The following NLGN1 variants were observed in gnomAD, a reference collection of about 807,000 sequenced individuals.
NLGN1 encodes the protein neuroligin-1.
NLGN1 carries 12 observed loss-of-function variants against 65.5 expected under a neutral mutation model. The observed-to-expected ratio is 0.18, with a 90% CI of 0.12 to 0.30. NLGN1 has a LOEUF of 0.30. NLGN1 is among the 10% of genes least tolerant of loss of function. NLGN1 has a pLI of 1.00. For missense variants in NLGN1, 750 were observed against 1,007.1 expected, an observed-to-expected ratio of 0.74 and a Z score of 3.46; for synonymous variants, 350 against 359.5, an observed-to-expected ratio of 0.97 and a Z score of 0.30.
At chr3:173,455,875 G>T (rs558236491) in intron 2 of NLGN1, among the ~76,000 whole-genome samples, 5 of 152,064 alleles carry the variant, frequency 3.3e-5, no homozygotes, top group Non-Finnish European at 7.4e-5. Flanking sequence ...AGCCAGTGTA[G>T]TTCGAAGGCC....
chr3:174,027,082 A>G (rs1728997882), intron 4 of NLGN1, among the ~76,000 whole-genome samples: 1 of 151,950 alleles, frequency 6.6e-6, no homozygotes. Context: ...AAAAAAAAGA[A>G]AAAGAAATAT....
At chr3:174,073,870 A>C (rs1037467802) in intron 4 of NLGN1, among the ~76,000 whole-genome samples, 2 of 152,200 alleles carry the variant, frequency 1.3e-5, no homozygotes, top group African/African-American at 4.8e-5. Flanking sequence ...GGAATAATAG[A>C]GTGGTCCTTT....
At chr3:173,952,136 C>G (rs1211943364) in intron 4 of NLGN1, among the ~76,000 whole-genome samples, 2 of 152,148 alleles carry the variant, frequency 1.3e-5, no homozygotes, top group Non-Finnish European at 2.9e-5. Context: ...CTATATACTT[C>G]CGACATAGCA....
chr3:174,107,264 G>A lies in NLGN1; in HGVS notation c.647-168051G>A, dbSNP rs115983040. On this transcript the variant is annotated intron_variant, in intron 4 of 6. Transcript: ENST00000457714. ...GGATCTCTCATGTTGCCCTTTTGTA[G>A]CCACTTTCCTCCAGCTCCACCCTCT... is the stretch of plus-strand genomic sequence containing the variant. Among the ~76,000 whole-genome samples the A allele has an allele frequency of 6.2e-3, 944 of 152,078 alleles. 25 individuals carry two copies. Among genetic ancestry groups the A allele is most frequent in the East Asian group, 0.039 (202 of 5,158 alleles).
At chr3:174,058,378 A>T (rs892696544) in intron 4 of NLGN1, among the ~76,000 whole-genome samples, 1 of 152,140 alleles carries the variant, frequency 6.6e-6, no homozygotes, top group Non-Finnish European at 1.5e-5. Context: ...AGATAAAAGC[A>T]TCTGAATTGG....
chr3:173,569,926 C>T (rs1175725135), intron 2 of NLGN1, among the ~76,000 whole-genome samples: 1 of 152,220 alleles, frequency 6.6e-6, no homozygotes, highest in East Asian at 1.9e-4. Context: ...TGCATTTCTT[C>T]TTCTACAAAT....
intron 4 of NLGN1, among the ~76,000 whole-genome samples, chr3:174,073,790 A>G: frequency 6.6e-6 from 1 of 152,220 alleles, no homozygotes; most frequent in South Asian, 2.1e-4. Flanking sequence ...CACAATACCC[A>G]TATCCATCAC....
chr3:173,584,259 A>C (rs1018861466), intron 2 of NLGN1, among the ~76,000 whole-genome samples: 2 of 150,846 alleles, frequency 1.3e-5, no homozygotes, highest in East Asian at 1.9e-4. Context: ...AAAAAAAAAA[A>C]GGTGAGGAGA....
At chr3:174,111,947 G>A (rs1715320975) in intron 4 of NLGN1, among the ~76,000 whole-genome samples, 1 of 151,888 alleles carries the variant, frequency 6.6e-6, no homozygotes, top group African/African-American at 2.4e-5. Flanking sequence ...GGATGTACCA[G>A]TGGAAGTAGT....
chr3:174,161,158 G>A (rs745688866), intron 4 of NLGN1, among the ~76,000 whole-genome samples: 2 of 151,440 alleles, frequency 1.3e-5, no homozygotes, highest in Non-Finnish European at 2.9e-5. Flanking sequence ...GTTGCATAAA[G>A]TACTGTGAAA....
intron 4 of NLGN1, among the ~76,000 whole-genome samples, chr3:174,182,025 C>G (rs1481348677): frequency 6.8e-6 from 1 of 146,056 alleles, no homozygotes; most frequent in Admixed American, 6.8e-5. Flanking sequence ...TAAACTTGGA[C>G]TATCATTTTC....
chr3:173,817,207 G>C (rs780254171), intron 4 of NLGN1, among the ~76,000 whole-genome samples: 3 of 152,222 alleles, frequency 2.0e-5, no homozygotes, highest in Non-Finnish European at 2.9e-5. Flanking sequence ...AGCAAACTCA[G>C]CTGGAATGCT....
chr3:174,158,277 G>C (rs555921084), intron 4 of NLGN1, among the ~76,000 whole-genome samples: 2 of 151,702 alleles, frequency 1.3e-5, no homozygotes, highest in African/African-American at 2.4e-5. Flanking sequence ...ACTTTGTAAA[G>C]TAATACATTT....
intron 2 of NLGN1, among the ~76,000 whole-genome samples, chr3:173,509,694 A>C (rs533542911): frequency 1.6e-4 from 25 of 152,340 alleles, no homozygotes; most frequent in Non-Finnish European, 2.9e-4. Context: ...ACTAGCAAAC[A>C]ATAAGTCAGG....
intron 4 of NLGN1, among the ~76,000 whole-genome samples, chr3:173,945,745 T>C (rs1008705817): frequency 6.6e-6 from 1 of 152,216 alleles, no homozygotes; most frequent in South Asian, 2.1e-4. Flanking sequence ...TTCAGTATAA[T>C]TGAAGGAAGA....
At chr3:173,958,965 G>A (rs549016360) in intron 4 of NLGN1, among the ~76,000 whole-genome samples, 27 of 152,330 alleles carry the variant, frequency 1.8e-4, no homozygotes, top group Non-Finnish European at 3.2e-4. Context: ...GCTCAGCCTC[G>A]ACTTTGCTCT....
rs1363708038 is a variant in NLGN1 at position 173,862,484 on chromosome 3, C to T, written c.646+54652C>T. Among the ~76,000 whole-genome samples, 7 of 111,172 alleles carry T rather than the reference C, an allele frequency of 6.3e-5. No homozygotes were observed. The Admixed American group carries it at 8.3e-4, about 13-fold the overall frequency. The allele number at this position is 111,172 out of a possible 152,430, so 72.9% of individuals were successfully genotyped here. On this transcript the variant is annotated intron_variant, in intron 4 of 6. Coordinates refer to ENST00000457714, the Ensembl canonical transcript of NLGN1. ...TCCCGCCACTGCACTCCAGCCTGGG[C>T]GACAGAGCGAGACTCCGTCTCAAAA...
chr3:173,415,760 G>A (rs1291454543), intron 1 of NLGN1, among the ~76,000 whole-genome samples: 3 of 152,018 alleles, frequency 2.0e-5, no homozygotes, highest in Non-Finnish European at 4.4e-5. Context: ...GAAATTGGAT[G>A]GATTCAGGGT....
intron 2 of NLGN1, among the ~76,000 whole-genome samples, chr3:173,565,879 T>C (rs1743573997): frequency 6.6e-6 from 1 of 152,226 alleles, no homozygotes; most frequent in East Asian, 1.9e-4. Flanking sequence ...AGCATTTCTT[T>C]TGTGTGAAAG....
Sources: allele counts gnomAD v4.1 joint callset (sites outside exome capture counted in the v4.1 genomes callset), GRCh38; gene constraint gnomAD v4.1.1; transcripts MANE v1.5; gene names NCBI Gene and HGNC (gene_info 2026-07-23, HGNC 2026-07-21).